MACROD2: variants seen among roughly 807,000 people sequenced by gnomAD.
MACROD2 encodes mono-ADP ribosylhydrolase 2, also known as ADP-ribose glycohydrolase MACROD2.
MACROD2 carries 36 observed loss-of-function variants against 70.4 expected under a neutral mutation model. That is an observed-to-expected ratio of 0.51 (90% confidence interval 0.39 to 0.68). The LOEUF (loss-of-function observed/expected upper bound fraction) is 0.68. Among genes scored for constraint, MACROD2 ranks in the 30% least tolerant of loss-of-function variants. MACROD2 has a pLI of 0.00. For synonymous variants in MACROD2, 172 were observed against 178.8 expected (o/e 0.96, Z 0.30); for missense variants, 496 against 538.4 (o/e 0.92, Z 0.78).
At chr20:15,489,788 C>A (rs757578807) in intron 7 of MACROD2, among the ~76,000 whole-genome samples, 3 of 152,144 alleles carry the variant, frequency 2.0e-5, no homozygotes, top group Non-Finnish European at 4.4e-5. Flanking sequence ...TGAGGACCAA[C>A]AACATGCCAG....
chr20:15,492,043 C>G (rs1363697572), intron 7 of MACROD2, among the ~76,000 whole-genome samples: 4 of 152,232 alleles, frequency 2.6e-5, no homozygotes, highest in Non-Finnish European at 5.9e-5. Context: ...CTGGGCGAAG[C>G]CAGTGACACC....
At chr20:15,392,303 A>G (rs922762517) in intron 6 of MACROD2, among the ~76,000 whole-genome samples, 2 of 152,144 alleles carry the variant, frequency 1.3e-5, no homozygotes, top group Non-Finnish European at 2.9e-5. Context: ...GACTTTTATT[A>G]TGATTGGTTT....
At chr20:15,491,689 T>C (rs2047233265) in intron 7 of MACROD2, among the ~76,000 whole-genome samples, 1 of 152,182 alleles carries the variant, frequency 6.6e-6, no homozygotes, top group African/African-American at 2.4e-5. Flanking sequence ...GGTTGAAGAA[T>C]GTTTTGGGGG....
intron 8 of MACROD2, among the ~76,000 whole-genome samples, chr20:15,616,173 G>C (rs968916819): frequency 7.0e-6 from 1 of 143,238 alleles, no homozygotes; most frequent in Non-Finnish European, 1.5e-5. Context: ...GTGTGATCTC[G>C]GCCCACTGCG....
At chr20:14,053,175 AC>A (rs1389408766) in intron 2 of MACROD2, 1 of 150,276 alleles carries the variant, frequency 6.7e-6, no homozygotes, top group Non-Finnish European at 1.5e-5. Flanking sequence ...CTCATTGAAG[AC>A]TCCTTTGAGA....
At chr20:15,190,907 C>T (rs558463561) in intron 5 of MACROD2, among the ~76,000 whole-genome samples, 19 of 152,116 alleles carry the variant, frequency 1.2e-4, no homozygotes, top group Non-Finnish European at 2.2e-4. Flanking sequence ...TCAGAGTATG[C>T]GGTCTGGATG....
At chr20:15,608,493 A>G (rs1312852595) in intron 8 of MACROD2, among the ~76,000 whole-genome samples, 1 of 152,172 alleles carries the variant, frequency 6.6e-6, no homozygotes, top group Admixed American at 6.5e-5. Flanking sequence ...TGCATCAAGG[A>G]GCCGAGCCTA....
chr20:16,022,047 C>CTTT lies in MACROD2; in HGVS notation c.1154-19135_1154-19133dup, dbSNP rs543662575. 4.2e-3 allele frequency among the ~76,000 whole-genome samples: 456 copies of CTTT among 108,916 alleles called. 6 individuals are homozygous for CTTT. Among genetic ancestry groups the CTTT allele is most frequent in the East Asian group, 6.9e-3 (25 of 3,626 alleles). The allele number at this position is 108,916 out of a possible 152,430, so 71.5% of individuals were successfully genotyped here. A position where few individuals can be genotyped will look rare whatever the true frequency, so the allele number is the denominator to read the frequency against. ...AATACTGCTCCCAAAGTTTCAGTTT[C>CTTT]TTTTTTTTTTTTTTTTTTTTTGAGA... On this transcript the variant is annotated intron_variant, in intron 15 of 17. Transcript: ENST00000684519.
chr20:15,010,763 G>GTTTGT (rs1373863538), intron 5 of MACROD2, among the ~76,000 whole-genome samples: 1 of 152,128 alleles, frequency 6.6e-6, no homozygotes, highest in Non-Finnish European at 1.5e-5. Flanking sequence ...ACTTACTGTT[G>GTTTGT]TTTGTTTTGT....
chr20:15,768,696 A>G (rs1185950072), intron 8 of MACROD2, among the ~76,000 whole-genome samples: 2 of 152,202 alleles, frequency 1.3e-5, no homozygotes, highest in Non-Finnish European at 1.5e-5. Context: ...CTTTTTGACT[A>G]TTTTGTAATC....
intron 5 of MACROD2, among the ~76,000 whole-genome samples, chr20:14,796,755 TA>T (rs1319726459): frequency 6.6e-6 from 1 of 152,080 alleles, no homozygotes; most frequent in Non-Finnish European, 1.5e-5. Flanking sequence ...TACATAGCTT[TA>T]ATATATATCT....
chr20:14,379,643 C>G (rs2083403700), intron 3 of MACROD2, among the ~76,000 whole-genome samples: 1 of 152,090 alleles, frequency 6.6e-6, no homozygotes, highest in Non-Finnish European at 1.5e-5. Flanking sequence ...CTGGTAATCT[C>G]TAATCTACTT....
intron 3 of MACROD2, chr20:14,328,948 C>T (rs2082784797): frequency 6.6e-6 from 1 of 151,774 alleles, no homozygotes; most frequent in Admixed American, 6.6e-5. Context: ...CTTTGAAATT[C>T]TTATTGGCTC....
intron 9 of MACROD2, among the ~76,000 whole-genome samples, chr20:15,867,070 C>T (rs1414964346): frequency 6.6e-6 from 1 of 152,182 alleles, no homozygotes; most frequent in African/African-American, 2.4e-5. Flanking sequence ...AGGCCTCGCT[C>T]CTTGGCTTGT....
intron 6 of MACROD2, among the ~76,000 whole-genome samples, chr20:15,302,427 G>A (rs969226576): frequency 3.5e-5 from 5 of 141,508 alleles, no homozygotes; most frequent in Admixed American, 1.4e-4. Context: ...CTATAGAAAC[G>A]GGATCATATT....
At chr20:15,378,770 T>C (rs781524473) in intron 6 of MACROD2, among the ~76,000 whole-genome samples, 1 of 152,192 alleles carries the variant, frequency 6.6e-6, no homozygotes, top group Non-Finnish European at 1.5e-5. Flanking sequence ...TCAAACAGAA[T>C]AGTAAAAACA....
chr20:14,526,991 G>C (rs2085241470), intron 4 of MACROD2, among the ~76,000 whole-genome samples: 1 of 152,264 alleles, frequency 6.6e-6, no homozygotes, highest in Non-Finnish European at 1.5e-5. Context: ...TGTGGACTTG[G>C]AGAATGAGTG....
At chr20:14,588,777 C>G (rs1981557420) in intron 4 of MACROD2, among the ~76,000 whole-genome samples, 1 of 152,128 alleles carries the variant, frequency 6.6e-6, no homozygotes, top group African/African-American at 2.4e-5. Flanking sequence ...TATATATTAT[C>G]TACGTTACAT....
At chr20:15,950,585 G>C (rs1030538554) in intron 12 of MACROD2, among the ~76,000 whole-genome samples, 1 of 152,172 alleles carries the variant, frequency 6.6e-6, no homozygotes, top group Non-Finnish European at 1.5e-5. Context: ...AGTTCATGTA[G>C]AATGGCACGT....
Sources: allele counts gnomAD v4.1 joint callset (sites outside exome capture counted in the v4.1 genomes callset), GRCh38; gene constraint gnomAD v4.1.1; transcripts MANE v1.5; gene names NCBI Gene and HGNC (gene_info 2026-07-23, HGNC 2026-07-21).